Variants in CHST9 observed in about 807,000 individuals in gnomAD.
CHST9 encodes the protein carbohydrate sulfotransferase 9, also known as GalNAc-4-sulfotransferase 2.
CHST9 carries 41 observed loss-of-function variants against 44.4 expected under a neutral mutation model. The ratio of observed to expected loss-of-function variants is 0.92; its 90% CI spans 0.72 to 1.20. The LOEUF (loss-of-function observed/expected upper bound fraction) is 1.20. Among genes scored for constraint, CHST9 ranks in the 50% most tolerant of loss-of-function variants. CHST9 has a pLI of 0.00. For missense variants in CHST9, 504 were observed against 516.5 expected (o/e 0.98, Z 0.23); for synonymous variants, 171 against 178.4 (o/e 0.96, Z 0.33).
chr18:27,109,779 T>A (rs1256430543), intron 2 of CHST9, among the ~76,000 whole-genome samples: 1 of 152,112 alleles, frequency 6.6e-6, no homozygotes, highest in Non-Finnish European at 1.5e-5. Context: ...TTTTTTTTTT[T>A]AACCTCAAGG....
intron 2 of CHST9, among the ~76,000 whole-genome samples, chr18:27,138,427 CA>C (rs1437704112): frequency 6.6e-6 from 1 of 152,130 alleles, no homozygotes; most frequent in East Asian, 1.9e-4. Flanking sequence ...CCAGCTTCTA[CA>C]TTAGGAACCA....
chr18:26,951,127 G>T (rs1318419927), intron 4 of CHST9, among the ~76,000 whole-genome samples: 1 of 152,182 alleles, frequency 6.6e-6, no homozygotes, highest in African/African-American at 2.4e-5. Flanking sequence ...TATGATGAAG[G>T]TGGTGTTGAG....
Position 27,105,049 on chromosome 18 carries a change from T to G in CHST9, c.121+37640A>C, listed in dbSNP as rs112774108. On this transcript the variant is annotated intron_variant, in intron 2 of 5. Transcript: ENST00000618847. Reference sequence around the variant, plus strand: ...ATCTATTTTTTCAGGTTTTCTCCTCTTCTCTTTTCCCCTTCCTTTGTCCTT... The same window carrying G: ...ATCTATTTTTTCAGGTTTTCTCCTCGTCTCTTTTCCCCTTCCTTTGTCCTT... 6.1e-3 allele frequency among the ~76,000 whole-genome samples: 925 copies of G among 152,292 alleles called. 6 individuals are homozygous for G. The highest frequency in any genetic ancestry group is 0.01 in the Non-Finnish European group (709 of 68,010).
chr18:26,959,489 A>G (rs1160029280), intron 4 of CHST9, among the ~76,000 whole-genome samples: 1 of 152,220 alleles, frequency 6.6e-6, no homozygotes, highest in African/African-American at 2.4e-5. Flanking sequence ...AATCATATTA[A>G]AAACAGAAAG....
chr18:26,942,352 G>A (rs146307412), intron 5 of CHST9, among the ~76,000 whole-genome samples: 156 of 152,174 alleles, frequency 1.0e-3, no homozygotes, highest in African/African-American at 3.2e-3. Context: ...TGAAGGAGAC[G>A]ACGATCTGTT....
intron 4 of CHST9, among the ~76,000 whole-genome samples, chr18:27,013,300 T>C (rs1262595139): frequency 6.6e-6 from 1 of 152,236 alleles, no homozygotes; most frequent in Non-Finnish European, 1.5e-5. Context: ...CTGAATATAC[T>C]GTCCATTTCA....
rs192615199 is a variant in CHST9, at chr18:27,028,623, C to T, written c.161-4466G>A. ...AGTGCAGTAGCACGATCTCGGCTCA[C>T]GGCAAGCTCTGCCTTCCGGGTTCAC... On this transcript the variant is annotated intron_variant, in intron 3 of 5. Coordinates refer to ENST00000618847, the MANE Select transcript of CHST9 (RefSeq NM_031422.6). Among the ~76,000 whole-genome samples the T allele has an allele frequency of 1.3e-3, 200 of 152,198 alleles. 1 individual carries two copies. Among genetic ancestry groups the T allele is most frequent in the African/African-American group, 4.8e-3 (198 of 41,524 alleles).
At chr18:27,130,362 A>G (rs1304637773) in intron 2 of CHST9, among the ~76,000 whole-genome samples, 1 of 152,226 alleles carries the variant, frequency 6.6e-6, no homozygotes, top group Non-Finnish European at 1.5e-5. Context: ...GCATACCAAT[A>G]AAGTAAGAAA....
At chr18:27,183,975 G>A (rs572278167) in intron 1 of CHST9, among the ~76,000 whole-genome samples, 1 of 152,158 alleles carries the variant, frequency 6.6e-6, no homozygotes, top group South Asian at 2.1e-4. Context: ...GTTGAAAAGA[G>A]GCCCCTGTCC....
chr18:27,133,848 CATGGGA>C (rs2058492416), intron 2 of CHST9, among the ~76,000 whole-genome samples: 1 of 152,138 alleles, frequency 6.6e-6, no homozygotes, highest in South Asian at 2.1e-4. Context: ...ACAGCCGTGA[CATGGGA>C]ATAATCACAT....
intron 2 of CHST9, among the ~76,000 whole-genome samples, chr18:27,083,090 A>G (rs1197080944): frequency 6.6e-6 from 1 of 152,164 alleles, no homozygotes; most frequent in Non-Finnish European, 1.5e-5. Flanking sequence ...GAAAGGTAAT[A>G]CATTTAATCT....
intron 4 of CHST9, among the ~76,000 whole-genome samples, chr18:27,008,156 G>A (rs555838058): frequency 9.2e-5 from 14 of 152,260 alleles, no homozygotes; most frequent in Admixed American, 8.5e-4. Flanking sequence ...AGAAGACAAT[G>A]AGAGCAAAGC....
intron 3 of CHST9, among the ~76,000 whole-genome samples, chr18:27,028,575 TCTCGCTC>T (rs2057307379): frequency 6.6e-6 from 1 of 151,112 alleles, no homozygotes; most frequent in Non-Finnish European, 1.5e-5. Flanking sequence ...TGAGATGGAG[TCTCGCTC>T]AGTCGCCCAG....
At chr18:27,180,031 T>C (rs924790315) in intron 1 of CHST9, among the ~76,000 whole-genome samples, 2 of 152,164 alleles carry the variant, frequency 1.3e-5, no homozygotes, top group Non-Finnish European at 2.9e-5. Context: ...TATCATACTT[T>C]AAAATTTTCT....
At chr18:27,015,575 G>C (rs956551767) in intron 4 of CHST9, among the ~76,000 whole-genome samples, 1 of 152,144 alleles carries the variant, frequency 6.6e-6, no homozygotes, top group Non-Finnish European at 1.5e-5. Flanking sequence ...AGGGATACGT[G>C]CTAGCATATG....
At chr18:27,085,332 C>T (rs774781392) in intron 2 of CHST9, among the ~76,000 whole-genome samples, 17 of 152,116 alleles carry the variant, frequency 1.1e-4, no homozygotes, top group Non-Finnish European at 2.1e-4. Context: ...AGAAAGCAGA[C>T]AACCTACAGA....
chr18:27,036,148 G>A (rs187228785), intron 3 of CHST9, among the ~76,000 whole-genome samples: 6 of 152,104 alleles, frequency 3.9e-5, no homozygotes, highest in East Asian at 3.9e-4. Context: ...AATGCAGACC[G>A]AATACAGACA....
chr18:27,163,506 C>T (rs534795664), intron 1 of CHST9, among the ~76,000 whole-genome samples: 1 of 152,308 alleles, frequency 6.6e-6, no homozygotes, highest in African/African-American at 2.4e-5. Context: ...CTCAAGCCTC[C>T]GCAATGGCGG....
intron 5 of CHST9, among the ~76,000 whole-genome samples, chr18:26,943,105 TA>T (rs543787110): frequency 2.5e-4 from 37 of 148,332 alleles, no homozygotes; most frequent in African/African-American, 3.7e-4. Context: ...AGACTCCGTC[TA>T]AAAAAAAAAG....
Sources: gnomAD v4.1 joint callset for allele counts (sites outside exome capture counted in the v4.1 genomes callset) on GRCh38, gnomAD v4.1.1 for gene constraint, MANE v1.5 for transcripts, NCBI Gene and HGNC (gene_info 2026-07-23, HGNC 2026-07-21) for gene names.